KLF12: variants seen among roughly 807,000 people sequenced by gnomAD.
KLF12 encodes Krueppel-like factor 12.
A neutral mutation model predicts 37.8 loss-of-function variants in KLF12; 9 were observed. That is an observed-to-expected ratio of 0.24 (90% CI 0.14 to 0.42). KLF12 has a LOEUF of 0.42. Ranked by LOEUF, KLF12 falls within the 10% of genes least tolerant of loss-of-function variation. The pLI is 1.00. For missense variants in KLF12, 411 were observed against 516.0 expected, an observed-to-expected ratio of 0.80 and a Z score of 1.97; for synonymous variants, 208 against 202.1, an observed-to-expected ratio of 1.03 and a Z score of -0.25.
At chr13:73,930,125 T>C (rs915282349) in intron 3 of KLF12, among the ~76,000 whole-genome samples, 8 of 152,212 alleles carry the variant, frequency 5.3e-5, no homozygotes, top group South Asian at 2.1e-4. Context: ...ATAAAGGCCA[T>C]AGGTCTCTTA....
chr13:73,913,334 G>A (rs1463041346), intron 3 of KLF12, among the ~76,000 whole-genome samples: 1 of 152,118 alleles, frequency 6.6e-6, no homozygotes, highest in African/African-American at 2.4e-5. Flanking sequence ...TGTAAATCTA[G>A]CAAAAACCAG....
intron 3 of KLF12, among the ~76,000 whole-genome samples, chr13:73,914,358 G>C (rs1888712632): frequency 6.6e-6 from 1 of 152,168 alleles, no homozygotes; most frequent in Non-Finnish European, 1.5e-5. Context: ...CATCAGCAGG[G>C]GGTGGTTGTG....
intron 1 of KLF12, among the ~76,000 whole-genome samples, chr13:74,061,195 TTTAAGG>T (rs1873571599): frequency 6.6e-6 from 1 of 152,162 alleles, no homozygotes; most frequent in Non-Finnish European, 1.5e-5. Flanking sequence ...ACAACAATCC[TTTAAGG>T]TTAAGTTCTA....
chr13:74,170,120 T>G, the KLF12 span, among the ~76,000 whole-genome samples: 1 of 152,202 alleles, frequency 6.6e-6, no homozygotes. Flanking sequence ...ATATTTATGA[T>G]GATGAACTCT....
intron 1 of KLF12, among the ~76,000 whole-genome samples, chr13:74,058,353 CTTTTTTTTTTT>C (rs55954411): frequency 1.4e-5 from 1 of 72,648 alleles, no homozygotes; most frequent in South Asian, 6.2e-4. Context: ...ATAATTTTAT[CTTTTTTTTTTT>C]TTTTTTTTTT....
At chr13:73,790,530 A>G (rs1462685062) in intron 5 of KLF12, among the ~76,000 whole-genome samples, 4 of 152,202 alleles carry the variant, frequency 2.6e-5, no homozygotes, top group African/African-American at 4.8e-5. Context: ...TTTTACAGCA[A>G]TGAAAACCCA....
chr13:74,272,484 TA>T, the KLF12 span, among the ~76,000 whole-genome samples: 1 of 152,196 alleles, frequency 6.6e-6, no homozygotes, highest in Non-Finnish European at 1.5e-5. Context: ...GTTGTCATAT[TA>T]AAGTCTTTGA....
chr13:74,122,585 T>C (rs1877694390), intron 1 of KLF12, among the ~76,000 whole-genome samples: 1 of 152,104 alleles, frequency 6.6e-6, no homozygotes, highest in Non-Finnish European at 1.5e-5. Flanking sequence ...CCCATAAAGT[T>C]ATTTATTACA....
chr13:74,008,256 C>T (rs1268791120), intron 1 of KLF12, among the ~76,000 whole-genome samples: 1 of 152,074 alleles, frequency 6.6e-6, no homozygotes, highest in Non-Finnish European at 1.5e-5. Context: ...AATTATAGAG[C>T]AATGTCCAGT....
At chr13:73,975,204 G>A (rs762813659) in intron 2 of KLF12, among the ~76,000 whole-genome samples, 1 of 151,994 alleles carries the variant, frequency 6.6e-6, no homozygotes, top group Non-Finnish European at 1.5e-5. Context: ...GCCAATCTCT[G>A]CTCAGCTCGA....
chr13:74,053,996 A>G (rs149779446), intron 1 of KLF12, among the ~76,000 whole-genome samples: 4 of 152,314 alleles, frequency 2.6e-5, no homozygotes, highest in African/African-American at 9.6e-5. Context: ...CGTAATTAAG[A>G]AAGTATTTGT....
chr13:73,732,490 G>T (rs549192755), intron 6 of KLF12, among the ~76,000 whole-genome samples: 38 of 152,132 alleles, frequency 2.5e-4, no homozygotes, highest in African/African-American at 7.5e-4. Context: ...CTGCCTTATG[G>T]GTACTTGTTA....
intron 6 of KLF12, among the ~76,000 whole-genome samples, chr13:73,727,707 T>C (rs976419814): frequency 1.3e-5 from 2 of 152,058 alleles, no homozygotes; most frequent in African/African-American, 4.8e-5. Flanking sequence ...TCTTTCTTTT[T>C]TTTTTTTTGA....
intron 2 of KLF12, among the ~76,000 whole-genome samples, chr13:73,948,753 G>A (rs1230806024): frequency 6.6e-6 from 1 of 152,104 alleles, no homozygotes. Context: ...TCCACTAACA[G>A]GTTAACAACT....
the KLF12 span, among the ~76,000 whole-genome samples, chr13:74,274,047 G>A: frequency 2.7e-3 from 405 of 152,176 alleles, 2 homozygotes; most frequent in South Asian, 0.015. Context: ...GGCATGCACC[G>A]AAAATCATCT....
chr13:73,963,319 ACG>A (rs1363109227), intron 2 of KLF12, among the ~76,000 whole-genome samples: 34 of 144,806 alleles, frequency 2.3e-4, no homozygotes, highest in African/African-American at 8.7e-4. Flanking sequence ...ACACACACAC[ACG>A]TATATATGCT....
the KLF12 span, among the ~76,000 whole-genome samples, chr13:74,219,879 T>C: frequency 3.1e-3 from 471 of 152,324 alleles, 3 homozygotes; most frequent in African/African-American, 0.011. Context: ...TCTGCAGTTG[T>C]GCTCAAATGT....
chr13:74,138,654 G>A (rs978508273), upstream of KLF12, among the ~76,000 whole-genome samples: 8 of 152,114 alleles, frequency 5.3e-5, no homozygotes, highest in African/African-American at 1.9e-4. Flanking sequence ...CTTCAGATGT[G>A]TCTTCTTTTC....
At chr13:73,987,616 GGGGAGA>G (rs2138220382) in intron 2 of KLF12, among the ~76,000 whole-genome samples, 1 of 150,316 alleles carries the variant, frequency 6.7e-6, no homozygotes, top group South Asian at 2.1e-4. Context: ...ACGTGGGAGA[GGGGAGA>G]GGGAGAGGCA....
Sources: allele counts gnomAD v4.1 joint callset (sites outside exome capture counted in the v4.1 genomes callset), GRCh38; gene constraint gnomAD v4.1.1; transcripts MANE v1.5; gene names NCBI Gene and HGNC (gene_info 2026-07-23, HGNC 2026-07-21).